PRDM11: variants seen among roughly 807,000 people sequenced by gnomAD.
The protein encoded by PRDM11 is PR domain-containing protein 11.
Under a neutral mutation model 97.8 loss-of-function variants are expected in PRDM11, and 20 were observed. The observed-to-expected ratio is 0.20, with a 90% CI of 0.14 to 0.30. The LOEUF (loss-of-function observed/expected upper bound fraction) is 0.30, where lower values mean the gene tolerates loss of function less well. Among genes scored for constraint, PRDM11 ranks in the 10% least tolerant of loss-of-function variants. The pLI, the probability that PRDM11 is intolerant of heterozygous loss-of-function variation, is 1.00. For missense variants in PRDM11, 1,139 were observed against 1,555.2 expected (o/e 0.73, Z 4.50); for synonymous variants, 599 against 637.7 (o/e 0.94, Z 0.91).
At chr11:45,223,150 C>A (rs1590474471) in intron 6 of PRDM11, among the ~76,000 whole-genome samples, 1 of 152,092 alleles carries the variant, frequency 6.6e-6, no homozygotes, top group Non-Finnish European at 1.5e-5. Flanking sequence ...ACCCTATCTC[C>A]ACAAAAAGTA....
intron 1 of PRDM11, among the ~76,000 whole-genome samples, chr11:45,177,187 A>G (rs1482288963): frequency 6.6e-6 from 1 of 152,236 alleles, no homozygotes; most frequent in East Asian, 1.9e-4. Context: ...CACCCTGCCA[A>G]GGGTGAAAAC....
At chr11:45,225,203 C>T in intron 7 of PRDM11, 1 of 1,103,842 alleles carries the variant, frequency 9.1e-7, no homozygotes, top group Non-Finnish European at 1.2e-6. Flanking sequence ...AGCAGGGTGT[C>T]CCACTGGAGA....
At position 45,119,077 on chromosome 11, in the gene PRDM11, T is replaced by C. The variant is rs556012573; in HGVS notation, c.96+23176T>C. 1.2e-3 allele frequency among the ~76,000 whole-genome samples: 178 copies of C among 152,276 alleles called. 1 individual carries two copies. The highest frequency in any genetic ancestry group is 4.0e-4 in the Non-Finnish European group (27 of 68,016). The stretch of plus-strand genomic sequence containing the variant: ...TAAAAGAGGTCCAAACACAAGACCA[T>C]ATTCTTCCACAGAAGTTTTCTGTGT... On this transcript the variant is annotated intron_variant, in intron 1 of 6. Coordinates refer to the PRDM11 transcript ENST00000530656.
At position 45,227,209 on chromosome 11, in the gene PRDM11, T is replaced by C; in HGVS notation, c.2584T>C (p.Ser862Pro). The change falls in exon 8 of 8, where the codon TCG becomes CCG. Residue 862 changes from serine to proline, a missense_variant. Transcript: ENST00000683152. This position sits in a 1 kb window ranked among gnomAD's most constrained non-coding sequence, Gnocchi z 8.0. ...VSSQTQRADA[S>P]AIALALLQFL... is the part of the protein sequence containing the mutation. ...CAGCCAGACCCAGCGGGCAGACGCC[T>C]CGGCCATCGCACTGGCCCTGCTGCA... The C allele has an allele frequency of 6.5e-7, 1 of 1,533,928 alleles. No homozygotes were observed. Among genetic ancestry groups the C allele is most frequent in the Non-Finnish European group, 8.7e-7 (1 of 1,146,720 alleles).
intron 1 of PRDM11, among the ~76,000 whole-genome samples, chr11:45,139,893 G>T (rs142365088): frequency 6.6e-6 from 1 of 152,128 alleles, no homozygotes; most frequent in African/African-American, 2.4e-5. Flanking sequence ...GATGAGTTCA[G>T]GGAAAGAGAG....
chr11:45,185,353 AAG>A (rs1339823571), intron 4 of PRDM11, among the ~76,000 whole-genome samples: 1 of 152,212 alleles, frequency 6.6e-6, no homozygotes, highest in Non-Finnish European at 1.5e-5. Flanking sequence ...CCTCATAACA[AAG>A]AGTTATCTGC....
intron 7 of PRDM11, chr11:45,225,117 G>A (rs1390813706): frequency 1.3e-5 from 19 of 1,414,784 alleles, no homozygotes; most frequent in Middle Eastern, 2.6e-4. Flanking sequence ...TTCTTGACCC[G>A]TTGCCTTTCT....
intron 4 of PRDM11, among the ~76,000 whole-genome samples, chr11:45,186,691 A>T (rs1367902709): frequency 6.6e-6 from 1 of 152,182 alleles, no homozygotes; most frequent in African/African-American, 2.4e-5. Context: ...GCAAGGGTGC[A>T]TGGCTTGTTT....
chr11:45,132,243 A>C (rs1852737513), intron 1 of PRDM11, among the ~76,000 whole-genome samples: 1 of 152,286 alleles, frequency 6.6e-6, no homozygotes, highest in South Asian at 2.1e-4. Context: ...GAGCTTGAAC[A>C]CTTCTACAAA....
chr11:45,186,156 CTG>C (rs1852697830), intron 4 of PRDM11, among the ~76,000 whole-genome samples: 1 of 152,208 alleles, frequency 6.6e-6, no homozygotes, highest in African/African-American at 2.4e-5. Context: ...TTTTAAGCCA[CTG>C]TGGTTTTGGC....
At chr11:45,183,415 T>C (rs1346682613) in intron 4 of PRDM11, among the ~76,000 whole-genome samples, 2 of 152,144 alleles carry the variant, frequency 1.3e-5, no homozygotes, top group Admixed American at 6.5e-5. Context: ...TGGTGGACCA[T>C]TGGGCAGTAT....
intron 1 of PRDM11, among the ~76,000 whole-genome samples, chr11:45,098,229 C>G (rs969721032): frequency 6.6e-6 from 1 of 152,224 alleles, no homozygotes; most frequent in African/African-American, 2.4e-5. Context: ...AGGAAGAAGA[C>G]TGACATGCAA....
intron 5 of PRDM11, among the ~76,000 whole-genome samples, chr11:45,206,495 T>C (rs550931226): frequency 9.3e-4 from 141 of 152,302 alleles, no homozygotes; most frequent in African/African-American, 3.3e-3. Context: ...CGTGCGTGTG[T>C]CCACTTGGGA....
intron 1 of PRDM11, among the ~76,000 whole-genome samples, chr11:45,134,390 G>C (rs1327596104): frequency 6.6e-6 from 1 of 152,004 alleles, no homozygotes; most frequent in Non-Finnish European, 1.5e-5. Flanking sequence ...AACTAACAAA[G>C]CCCACTCACA....
intron 4 of PRDM11, among the ~76,000 whole-genome samples, chr11:45,188,903 G>A (rs901061058): frequency 2.6e-5 from 4 of 152,032 alleles, no homozygotes; most frequent in Non-Finnish European, 5.9e-5. Context: ...TTGTTTGTTT[G>A]TTTTTTTGTT....
intron 1 of PRDM11, among the ~76,000 whole-genome samples, chr11:45,162,573 C>T (rs1851956105): frequency 6.6e-6 from 1 of 152,162 alleles, no homozygotes; most frequent in Admixed American, 6.5e-5. Context: ...ATTTACTGAG[C>T]ACTTATGTGG....
At chr11:45,128,999 G>T (rs1852654292) in intron 1 of PRDM11, among the ~76,000 whole-genome samples, 4 of 152,124 alleles carry the variant, frequency 2.6e-5, no homozygotes, top group African/African-American at 9.7e-5. Flanking sequence ...TTCTAAGAAT[G>T]CAGTTACTTT....
chr11:45,224,533 G>A lies in PRDM11; in HGVS notation c.1059G>A (p.Val353=). ...SQCATTMTHG[V]QNIGQTQGEG... is the part of the protein sequence containing the mutation. ...GTGCAACAACAATGACCCATGGTGT[G>A]CAGAATATAGGCCAGACCCAGGGGG... The change falls in exon 7 of 8, where the codon GTG becomes GTA. Residue 353 remains valine (V), a synonymous_variant. Transcript: ENST00000683152. 1 of 1,614,116 alleles carries A rather than the reference G, an allele frequency of 6.2e-7. No homozygotes were observed. Among genetic ancestry groups the A allele is most frequent in the Non-Finnish European group, 8.5e-7 (1 of 1,180,030 alleles).
At chr11:45,196,979 TG>T (rs1853145103) in intron 4 of PRDM11, among the ~76,000 whole-genome samples, 1 of 152,244 alleles carries the variant, frequency 6.6e-6, no homozygotes. Flanking sequence ...TAATGCTTGT[TG>T]CATGCCTAGT....
Sources: gnomAD v4.1 joint callset for allele counts (sites outside exome capture counted in the v4.1 genomes callset) on GRCh38, gnomAD v4.1.1 for gene constraint, Gnocchi (gnomAD v3.1) non-coding constraint, MANE v1.5 for transcripts, NCBI Gene and HGNC (gene_info 2026-07-23, HGNC 2026-07-21) for gene names.